Variants in B3GALT1 observed in about 807,000 individuals in gnomAD.
B3GALT1 encodes the protein UDP-Gal:betaGlcNAc beta 1,3-galactosyltransferase, polypeptide 1.
In B3GALT1, 10 loss-of-function variants were observed where a neutral mutation model predicts 23.2. The ratio of observed to expected loss-of-function variants is 0.43; its 90% confidence interval spans 0.27 to 0.73. The LOEUF is 0.73. Among genes scored for constraint, B3GALT1 ranks in the 30% least tolerant of loss-of-function variants. B3GALT1 has a pLI of 0.21. For missense variants in B3GALT1, 299 were observed against 405.4 expected (o/e 0.74, Z 2.25); for synonymous variants, 156 against 141.5 (o/e 1.10, Z -0.73).
intron 3 of B3GALT1, among the ~76,000 whole-genome samples, chr2:167,663,231 T>A (rs1686103441): frequency 1.3e-5 from 2 of 151,500 alleles, no homozygotes; most frequent in African/African-American, 4.8e-5. Flanking sequence ...GTTCTTGCGA[T>A]AGTTTACTGA....
intron 1 of B3GALT1, among the ~76,000 whole-genome samples, chr2:167,476,998 G>A (rs1180187454): frequency 6.6e-6 from 1 of 152,182 alleles, no homozygotes; most frequent in Non-Finnish European, 1.5e-5. Context: ...CTTTCAAAGT[G>A]TTTGATCATA....
rs1558889773 is a variant in B3GALT1, at chr2:167,516,971, T to TAA, written c.-410+26694_-410+26695insAA. On this transcript the variant is annotated intron_variant, in intron 2 of 4. Transcript: ENST00000392690. ...GTGTGTATATATATATATATATATA[T>TAA]GACACTTAAGCTTCTTTGTTATCTA... Among the ~76,000 whole-genome samples, 8 of 36,840 alleles carry TAA rather than the reference T, an allele frequency of 2.2e-4. No homozygotes were observed. The African/African-American group carries it at 5.5e-3, about 25-fold the overall frequency. 24.2% of individuals were successfully genotyped at this position (36,840 alleles called of 152,430 possible). A position where few individuals can be genotyped will look rare whatever the true frequency, so the allele number is the denominator to read the frequency against.
intron 3 of B3GALT1, among the ~76,000 whole-genome samples, chr2:167,756,519 A>G (rs571545479): frequency 1.3e-5 from 2 of 152,228 alleles, no homozygotes; most frequent in Non-Finnish European, 2.9e-5. Context: ...ATACTGTTCT[A>G]TTATGATATT....
intron 2 of B3GALT1, among the ~76,000 whole-genome samples, chr2:167,559,340 A>ACTTTTTTCC (rs1683921307): frequency 6.6e-6 from 1 of 152,070 alleles, no homozygotes; most frequent in South Asian, 2.1e-4. Flanking sequence ...AGTAGATAAA[A>ACTTTTTTCC]CCACAAAGAT....
At chr2:167,386,372 G>C (rs893052022) in intron 1 of B3GALT1, among the ~76,000 whole-genome samples, 2 of 151,994 alleles carry the variant, frequency 1.3e-5, no homozygotes, top group African/African-American at 4.8e-5. Context: ...TTTTATGGTG[G>C]GAAATCCAAT....
chr2:167,522,250 A>C (rs918236222), intron 2 of B3GALT1, among the ~76,000 whole-genome samples: 1 of 151,882 alleles, frequency 6.6e-6, no homozygotes, highest in African/African-American at 2.4e-5. Flanking sequence ...GCGTTTGAAA[A>C]TTCTGTTAGG....
At chr2:167,740,096 C>G (rs1440186558) in intron 3 of B3GALT1, among the ~76,000 whole-genome samples, 1 of 138,652 alleles carries the variant, frequency 7.2e-6, no homozygotes, top group East Asian at 2.1e-4. Flanking sequence ...GGGACTCTGT[C>G]TCTAAATAAA....
intron 3 of B3GALT1, among the ~76,000 whole-genome samples, chr2:167,671,457 A>G (rs998575130): frequency 6.6e-6 from 1 of 152,198 alleles, no homozygotes; most frequent in Admixed American, 6.5e-5. Context: ...AATCATATCA[A>G]ATATATTTTC....
At chr2:167,661,113 T>C (rs1242840437) in intron 3 of B3GALT1, among the ~76,000 whole-genome samples, 1 of 152,128 alleles carries the variant, frequency 6.6e-6, no homozygotes, top group East Asian at 1.9e-4. Context: ...AGGATGGACA[T>C]TCACCACCAT....
chr2:167,708,399 G>A (rs996176458), intron 3 of B3GALT1, among the ~76,000 whole-genome samples: 1 of 152,192 alleles, frequency 6.6e-6, no homozygotes, highest in Non-Finnish European at 1.5e-5. Context: ...GGTAGCTCAC[G>A]CCTGTAATCC....
intron 1 of B3GALT1, among the ~76,000 whole-genome samples, chr2:167,361,162 G>A (rs1470782340): frequency 6.7e-6 from 1 of 149,248 alleles, no homozygotes; most frequent in Non-Finnish European, 1.5e-5. Flanking sequence ...TAGTGCTTCA[G>A]TAAACATGTG....
chr2:167,854,058 C>T (rs1407971888), intron 4 of B3GALT1, among the ~76,000 whole-genome samples: 1 of 152,162 alleles, frequency 6.6e-6, no homozygotes, highest in Non-Finnish European at 1.5e-5. Context: ...AGGATGAGCA[C>T]AGTAGGGATT....
In B3GALT1 at chr2:167,699,556, T is replaced by C. The variant is rs374367281; in HGVS notation, c.-352+52590T>C. On this transcript the variant is annotated intron_variant, in intron 3 of 4. Transcript: ENST00000392690. ...TGTAATATTACAAGTATGTATTTAG[T>C]CTCCTACAATTTTTATGTCTAAATG... Among the ~76,000 whole-genome samples the C allele has an allele frequency of 1.1e-4, 16 of 152,164 alleles. No homozygotes were observed. In the East Asian group the frequency reaches 2.3e-3, roughly 22 times the overall value.
intron 2 of B3GALT1, among the ~76,000 whole-genome samples, chr2:167,594,300 G>A (rs1050682882): frequency 2.6e-5 from 4 of 152,100 alleles, no homozygotes; most frequent in African/African-American, 7.2e-5. Flanking sequence ...ACCATAGGTC[G>A]TTTGCTTTCA....
intron 3 of B3GALT1, among the ~76,000 whole-genome samples, chr2:167,679,791 T>C (rs1269050537): frequency 6.6e-6 from 1 of 152,246 alleles, no homozygotes. Flanking sequence ...AACACTTAAC[T>C]CAATGCCTGG....
At chr2:167,350,054 C>T (rs1192780179) in intron 1 of B3GALT1, among the ~76,000 whole-genome samples, 1 of 151,968 alleles carries the variant, frequency 6.6e-6, no homozygotes, top group Non-Finnish European at 1.5e-5. Context: ...TTGTAATAAC[C>T]AATTGGGGAC....
intron 1 of B3GALT1, among the ~76,000 whole-genome samples, chr2:167,456,028 C>A (rs79186912): frequency 0.049 from 7,491 of 152,170 alleles, 283 homozygotes; most frequent in East Asian, 0.17. Context: ...ATGAATATGA[C>A]CCTGTATTAG....
intron 4 of B3GALT1, among the ~76,000 whole-genome samples, chr2:167,845,547 G>A (rs777872391): frequency 4.6e-5 from 7 of 152,090 alleles, no homozygotes; most frequent in Non-Finnish European, 4.4e-5. Flanking sequence ...TAGGAAAAGC[G>A]GGGAGTACTA....
intron 1 of B3GALT1, among the ~76,000 whole-genome samples, chr2:167,434,482 A>G (rs572108202): frequency 1.3e-5 from 2 of 149,044 alleles, no homozygotes; most frequent in Non-Finnish European, 3.0e-5. Context: ...CATTTCATTC[A>G]TAATTACTTC....
Sources: allele counts gnomAD v4.1 joint callset (sites outside exome capture counted in the v4.1 genomes callset), GRCh38; gene constraint gnomAD v4.1.1; transcripts MANE v1.5; gene names NCBI Gene and HGNC (gene_info 2026-07-23, HGNC 2026-07-21).